The following MRPS35 variants were observed in gnomAD, a reference collection of about 807,000 sequenced individuals.
MRPS35 encodes the protein small ribosomal subunit protein mS35.
MRPS35 carries 29 observed loss-of-function variants against 32.7 expected under a neutral mutation model. That is an observed-to-expected ratio of 0.89 (90% CI 0.66 to 1.21). The LOEUF is 1.21. MRPS35 is among the 50% of genes most tolerant of loss of function. The probability of loss-of-function intolerance (pLI) is 0.00; values close to 1 mark genes in which losing one functional copy is unlikely to be tolerated. For synonymous variants in MRPS35, 148 were observed against 139.3 expected, an observed-to-expected ratio of 1.06 and a Z score of -0.44; for missense variants, 373 against 383.8, an observed-to-expected ratio of 0.97 and a Z score of 0.23.
intron 7 of MRPS35, among the ~76,000 whole-genome samples, chr12:27,754,568 A>G (rs961585281): frequency 6.6e-6 from 1 of 151,614 alleles, no homozygotes; most frequent in African/African-American, 2.4e-5. Context: ...GGAGTTTGAG[A>G]CCAGCCTGGG....
At chr12:27,714,735 C>T (rs1298448080) in intron 1 of MRPS35, 45 bp from the exon 2 acceptor site, 16 of 1,454,336 alleles carry the variant, frequency 1.1e-5, no homozygotes, top group Non-Finnish European at 1.4e-5. Context: ...ACTAACTTGA[C>T]ATGATAAAAT....
chr12:27,729,853 G>A (rs1407610706), intron 5 of MRPS35, among the ~76,000 whole-genome samples: 1 of 151,470 alleles, frequency 6.6e-6, no homozygotes, highest in Non-Finnish European at 1.5e-5. Flanking sequence ...ACTTCCAAGT[G>A]TCTGCCCTAG....
intron 7 of MRPS35, chr12:27,753,069 T>C (rs2140786775): frequency 6.6e-6 from 1 of 151,618 alleles, no homozygotes; most frequent in South Asian, 2.1e-4. Flanking sequence ...CAGATTTTTT[T>C]TAAAAGAGGA....
At chr12:27,725,713 T>C (rs1435409239) in intron 5 of MRPS35, 1 of 155,882 alleles carries the variant, frequency 6.4e-6, no homozygotes, top group Non-Finnish European at 1.4e-5. Flanking sequence ...CTTTGAATAC[T>C]AGTGAGGTTG....
At chr12:27,744,494 A>C (rs2061975424) in intron 7 of MRPS35, among the ~76,000 whole-genome samples, 1 of 152,200 alleles carries the variant, frequency 6.6e-6, no homozygotes, top group African/African-American at 2.4e-5. Flanking sequence ...ATTACTTTGT[A>C]AGTTCTCCAC....
At chr12:27,729,539 A>T (rs757837519) in intron 5 of MRPS35, among the ~76,000 whole-genome samples, 11 of 152,130 alleles carry the variant, frequency 7.2e-5, no homozygotes, top group Non-Finnish European at 1.6e-4. Flanking sequence ...AACCTCAAGT[A>T]TGAGGTAGGA....
At chr12:27,712,964 C>T (rs1593461711) in intron 1 of MRPS35, among the ~76,000 whole-genome samples, 1 of 152,142 alleles carries the variant, frequency 6.6e-6, no homozygotes, top group African/African-American at 2.4e-5. Context: ...TACAGTGAGC[C>T]GTAATCGCAC....
At chr12:27,723,961 C>G in intron 4 of MRPS35, 86 bp from the exon 5 acceptor site, 1 of 1,310,398 alleles carries the variant, frequency 7.6e-7, no homozygotes, top group East Asian at 2.6e-5. Flanking sequence ...GTGATGCTCT[C>G]AGTAATTTGG....
chr12:27,723,359 C>T (rs1396618600), intron 4 of MRPS35, among the ~76,000 whole-genome samples: 1 of 152,026 alleles, frequency 6.6e-6, no homozygotes, highest in Non-Finnish European at 1.5e-5. Context: ...CTTGGAGCTC[C>T]TGTTGTGGCC....
chr12:27,739,564 C>T (rs955511612), intron 7 of MRPS35, among the ~76,000 whole-genome samples: 1 of 152,190 alleles, frequency 6.6e-6, no homozygotes, highest in Non-Finnish European at 1.5e-5. Context: ...TATAATTTAT[C>T]TGGATTTTCT....
In MRPS35 at chr12:27,716,436, A is replaced by C; in HGVS notation, c.299A>C (p.Glu100Ala). ...PVKKGVPMAK[E>A]GNLELLKIPN... Reference sequence around the variant, plus strand: ...AAAAAGGGCGTGCCCATGGCAAAGGAGGGAAATCTAGAACTTTTAAAGGTA... The same window carrying C: ...AAAAAGGGCGTGCCCATGGCAAAGGCGGGAAATCTAGAACTTTTAAAGGTA... The change falls in exon 3 of 8, where the codon GAG (glutamate) becomes GCG (alanine). Residue 100 changes from glutamate (E) to alanine (A), a missense_variant. Physicochemically the swap from Glu to Ala is moderately radical, Grantham distance 107. Coordinates refer to ENST00000081029, the MANE Select transcript of MRPS35 (RefSeq NM_021821.4). 1 of 1,614,100 alleles carries C rather than the reference A, an allele frequency of 6.2e-7. No individual in the cohort carries two copies. The highest frequency in any genetic ancestry group is 8.5e-7 in the Non-Finnish European group (1 of 1,180,024).
intron 7 of MRPS35, among the ~76,000 whole-genome samples, chr12:27,751,534 T>C (rs2062003419): frequency 6.6e-6 from 1 of 152,150 alleles, no homozygotes; most frequent in South Asian, 2.1e-4. Flanking sequence ...GGCGGTTTGC[T>C]CCGGCTGTGT....
intron 7 of MRPS35, among the ~76,000 whole-genome samples, chr12:27,747,708 G>C (rs566655542): frequency 1.1e-4 from 16 of 152,236 alleles, no homozygotes; most frequent in Middle Eastern, 3.4e-3. Context: ...GAGGTGACAG[G>C]CTTGTGTGTT....
At position 27,710,944 on chromosome 12, in the gene MRPS35, C is replaced by T; in HGVS notation, c.101C>T (p.Thr34Ile). 6.2e-7 allele frequency: 1 copy of T among 1,612,988 alleles called. No homozygotes were observed. Among genetic ancestry groups the T allele is most frequent in the Non-Finnish European group, 8.5e-7 (1 of 1,179,724 alleles). ...TAVYSATPVP[T>I]PSLPERTPGN... is the part of the protein sequence containing the mutation. The stretch of plus-strand genomic sequence containing the variant: ...GTCTACTCGGCCACTCCGGTCCCGA[C>T]ACCTAGCCTGCGTGAGTGTCTGTCT... Residue 34 changes from threonine (T) to isoleucine (I), a missense_variant, in exon 1 of 8, where the codon ACA (threonine) becomes ATA (isoleucine). By Grantham distance (89) the Thr-to-Ile change is moderately conservative (BLOSUM62 -1). Coordinates refer to ENST00000081029, the MANE Select transcript of MRPS35 (RefSeq NM_021821.4).
intron 2 of MRPS35, 52 bp downstream of exon 2, chr12:27,714,872 G>C (rs1307976680): frequency 8.7e-6 from 13 of 1,490,638 alleles, no homozygotes; most frequent in Non-Finnish European, 1.1e-5. Flanking sequence ...GTTCTAAAAT[G>C]AGGCAGATAT....
rs1262372573 is a variant in MRPS35 at position 27,719,814 on chromosome 12, A to G, written c.328A>G (p.Asn110Asp). 6.2e-7 allele frequency: 1 copy of G among 1,601,030 alleles called. No individual in the cohort carries two copies. The highest frequency in any genetic ancestry group is 1.7e-5 in the Admixed American group (1 of 59,736). The stretch of plus-strand genomic sequence containing the variant: ...TTAAATTTCTCTATTTAAGATTCCC[A>G]ATTTTCTGCATTTGACTCCTGTAGC... ...EGNLELLKIP[N>D]FLHLTPVAIK... The change falls in exon 4 of 8, where the codon AAT becomes GAT. Residue 110 changes from asparagine (N) to aspartate (D), a missense_variant. Asn to Asp is a conservative substitution (Grantham distance 23). Transcript: ENST00000081029.
chr12:27,717,329 GTAT>G (rs1411613860), intron 3 of MRPS35, among the ~76,000 whole-genome samples: 2 of 152,142 alleles, frequency 1.3e-5, no homozygotes, highest in African/African-American at 4.8e-5. Flanking sequence ...ATATTATTTA[GTAT>G]TATTATTATA....
intron 5 of MRPS35, among the ~76,000 whole-genome samples, chr12:27,734,900 C>T (rs759620369): frequency 9.9e-5 from 15 of 152,086 alleles, no homozygotes; most frequent in Non-Finnish European, 1.5e-4. Flanking sequence ...TTTTGAGAAA[C>T]GTTGAGCTAA....
Position 27,754,078 on chromosome 12 carries a change from A to G in MRPS35, c.703-1103A>G, listed in dbSNP as rs562945329. The stretch of plus-strand genomic sequence containing the variant: ...AGACCGGCCTAGAAAACATGGTGAA[A>G]CTCCAACTCTACTAAAAATACAAAA... On this transcript the variant is annotated intron_variant, in intron 7 of 7. Coordinates refer to ENST00000081029, the MANE Select transcript of MRPS35 (RefSeq NM_021821.4). Among the ~76,000 whole-genome samples the G allele has an allele frequency of 4.6e-5, 7 of 152,086 alleles. No individual in the cohort carries two copies. In the East Asian group the frequency reaches 1.2e-3, roughly 25 times the overall value.
Sources: allele counts gnomAD v4.1 joint callset (sites outside exome capture counted in the v4.1 genomes callset), GRCh38; gene constraint gnomAD v4.1.1; transcripts MANE v1.5; gene names NCBI Gene and HGNC (gene_info 2026-07-23, HGNC 2026-07-21).